The following CHSY3 variants were observed in gnomAD, a reference collection of about 807,000 sequenced individuals.
CHSY3 encodes the protein N-acetylgalactosaminyl-proteoglycan 3-beta-glucuronosyltransferase 3.
A neutral mutation model predicts 67.2 loss-of-function variants in CHSY3; 35 were observed. The observed-to-expected ratio is 0.52, with a 90% CI of 0.40 to 0.69. The LOEUF (loss-of-function observed/expected upper bound fraction) is 0.69. Ranked by LOEUF, CHSY3 falls within the 30% of genes least tolerant of loss-of-function variation. The pLI is 0.00. For synonymous variants in CHSY3, 474 were observed against 434.7 expected (o/e 1.09, Z -1.12); for missense variants, 1,069 against 1,138.5 (o/e 0.94, Z 0.88).
chr5:129,914,672 T>C (rs1171318128), intron 2 of CHSY3, among the ~76,000 whole-genome samples: 1 of 152,236 alleles, frequency 6.6e-6, no homozygotes, highest in Non-Finnish European at 1.5e-5. Context: ...AAAACTTCTT[T>C]TCTTCCACAC....
rs551355572 is a variant in CHSY3 at position 130,089,054 on chromosome 5, G to T, written c.1087-95175G>T. ...ATACTATGTAGCCATAAAAAATGAT[G>T]AGCTCATGTCCTTTGTAGGGACATG... is the stretch of plus-strand genomic sequence containing the variant. On this transcript the variant is annotated intron_variant, in intron 2 of 2. Transcript: ENST00000305031. Among the ~76,000 whole-genome samples the T allele has an allele frequency of 2.6e-5, 4 of 152,088 alleles. No homozygotes were observed. The East Asian group carries it at 7.8e-4, about 29-fold the overall frequency.
intron 2 of CHSY3, among the ~76,000 whole-genome samples, chr5:130,083,525 T>G (rs1419805996): frequency 6.6e-6 from 1 of 152,004 alleles, no homozygotes. Flanking sequence ...GCCATAAATA[T>G]GACAAGAAAA....
intron 2 of CHSY3, among the ~76,000 whole-genome samples, chr5:129,947,023 A>C (rs894212430): frequency 6.6e-6 from 1 of 152,172 alleles, no homozygotes; most frequent in Non-Finnish European, 1.5e-5. Context: ...CACACTGCTA[A>C]TAAAGACATA....
At chr5:130,091,084 A>T (rs1049063315) in intron 2 of CHSY3, among the ~76,000 whole-genome samples, 12 of 151,690 alleles carry the variant, frequency 7.9e-5, no homozygotes, top group African/African-American at 2.9e-4. Context: ...CCAAAGCACC[A>T]GGTCTGCTGT....
intron 2 of CHSY3, among the ~76,000 whole-genome samples, chr5:130,112,659 G>C (rs866097856): frequency 7.3e-4 from 111 of 152,196 alleles, no homozygotes; most frequent in African/African-American, 2.6e-3. Context: ...CTATTACTCA[G>C]AGTCACCTTT....
At chr5:129,931,253 G>C (rs1295087284) in intron 2 of CHSY3, among the ~76,000 whole-genome samples, 2 of 152,070 alleles carry the variant, frequency 1.3e-5, no homozygotes, top group Non-Finnish European at 2.9e-5. Flanking sequence ...CTTGTTTCAT[G>C]GATCTCAGCT....
At chr5:130,079,927 G>C (rs930386289) in intron 2 of CHSY3, among the ~76,000 whole-genome samples, 8 of 151,696 alleles carry the variant, frequency 5.3e-5, no homozygotes, top group African/African-American at 1.9e-4. Context: ...ATGATCCAAG[G>C]GTCCTAAAGA....
intron 2 of CHSY3, among the ~76,000 whole-genome samples, chr5:129,932,224 C>T (rs1761341107): frequency 1.3e-5 from 2 of 149,126 alleles, no homozygotes; most frequent in South Asian, 2.1e-4. Flanking sequence ...TGGGGGCTGG[C>T]AAGTTTAAAA....
chr5:130,114,841 T>C (rs1176405964), intron 2 of CHSY3, among the ~76,000 whole-genome samples: 2 of 152,140 alleles, frequency 1.3e-5, no homozygotes, highest in Non-Finnish European at 2.9e-5. Flanking sequence ...TTTTTGTCCC[T>C]TTCCTGGTAC....
At chr5:130,160,838 C>T (rs1042030119) in intron 2 of CHSY3, among the ~76,000 whole-genome samples, 46 of 151,886 alleles carry the variant, frequency 3.0e-4, no homozygotes, top group Admixed American at 1.3e-4. Context: ...GGAGGGAATA[C>T]CAGGGAATGG....
At chr5:129,916,606 ATACG>A (rs1760736962) in intron 2 of CHSY3, among the ~76,000 whole-genome samples, 1 of 152,110 alleles carries the variant, frequency 6.6e-6, no homozygotes, top group Non-Finnish European at 1.5e-5. Flanking sequence ...GATATTTAAT[ATACG>A]TGAGTATCTC....
intron 2 of CHSY3, among the ~76,000 whole-genome samples, chr5:130,075,951 A>C (rs893628061): frequency 1.3e-5 from 2 of 152,162 alleles, no homozygotes; most frequent in Non-Finnish European, 2.9e-5. Flanking sequence ...CTTCTTAGCT[A>C]TCAAGGCTTA....
intron 2 of CHSY3, among the ~76,000 whole-genome samples, chr5:130,178,244 TATA>T (rs1369641576): frequency 2.7e-5 from 2 of 75,206 alleles, no homozygotes; most frequent in African/African-American, 1.1e-4. Context: ...TATATATATA[TATA>T]TATATATTTT....
chr5:130,035,532 C>A (rs995758764), intron 2 of CHSY3, among the ~76,000 whole-genome samples: 2 of 152,008 alleles, frequency 1.3e-5, no homozygotes, highest in African/African-American at 4.8e-5. Context: ...CCTATAAATG[C>A]CCCCAGGCTG....
At chr5:130,099,530 G>T (rs773913252) in intron 2 of CHSY3, among the ~76,000 whole-genome samples, 1 of 152,160 alleles carries the variant, frequency 6.6e-6, no homozygotes, top group South Asian at 2.1e-4. Flanking sequence ...GAATTAATAC[G>T]TATGTCTGTA....
chr5:130,081,506 C>T (rs376467548), intron 2 of CHSY3, among the ~76,000 whole-genome samples: 163 of 152,120 alleles, frequency 1.1e-3, no homozygotes, highest in African/African-American at 3.2e-3. Context: ...TATCTCAAAC[C>T]AGTACCTGGC....
intron 2 of CHSY3, among the ~76,000 whole-genome samples, chr5:130,016,317 T>TGTCTG (rs1764217857): frequency 6.6e-6 from 1 of 152,254 alleles, no homozygotes; most frequent in African/African-American, 2.4e-5. Context: ...ATGTAGACAG[T>TGTCTG]GTCTGGAGTG....
chr5:129,952,579 A>G (rs1429708851), intron 2 of CHSY3, among the ~76,000 whole-genome samples: 4 of 152,156 alleles, frequency 2.6e-5, no homozygotes, highest in African/African-American at 7.2e-5. Flanking sequence ...AAATGCCTTT[A>G]ATGAAAATGT....
intron 2 of CHSY3, among the ~76,000 whole-genome samples, chr5:130,032,112 C>A (rs1764719920): frequency 6.6e-6 from 1 of 152,032 alleles, no homozygotes; most frequent in Non-Finnish European, 1.5e-5. Flanking sequence ...CAGTAAATAC[C>A]AACTACATAA....
Sources: gnomAD v4.1 joint callset for allele counts (sites outside exome capture counted in the v4.1 genomes callset) on GRCh38, gnomAD v4.1.1 for gene constraint, MANE v1.5 for transcripts, NCBI Gene and HGNC (gene_info 2026-07-23, HGNC 2026-07-21) for gene names.